RNGTT: variants seen among roughly 807,000 people sequenced by gnomAD.
RNGTT encodes RNA guanylyltransferase and 5'-phosphatase.
A neutral mutation model predicts 79.3 loss-of-function variants in RNGTT; 33 were observed. That is an observed-to-expected ratio of 0.42 (90% CI 0.32 to 0.56). The LOEUF (loss-of-function observed/expected upper bound fraction) is 0.56, where lower values mean the gene tolerates loss of function less well. Ranked by LOEUF, RNGTT falls within the 20% of genes least tolerant of loss-of-function variation. RNGTT has a pLI of 0.17. For synonymous variants in RNGTT, 222 were observed against 235.9 expected, an observed-to-expected ratio of 0.94 and a Z score of 0.54; for missense variants, 497 against 739.1, an observed-to-expected ratio of 0.67 and a Z score of 3.80.
chr6:88,846,527 T>G (rs1319949084), intron 10 of RNGTT, among the ~76,000 whole-genome samples: 1 of 152,072 alleles, frequency 6.6e-6, no homozygotes. Context: ...GCGGGCAGAT[T>G]GCTTGAGGCC....
chr6:88,782,858 T>C (rs1459818923), intron 12 of RNGTT, among the ~76,000 whole-genome samples: 1 of 152,126 alleles, frequency 6.6e-6, no homozygotes, highest in Non-Finnish European at 1.5e-5. Flanking sequence ...ACTTCACATT[T>C]ACGAGGATGC....
At chr6:88,762,177 C>T (rs895642731) in intron 13 of RNGTT, among the ~76,000 whole-genome samples, 1 of 152,082 alleles carries the variant, frequency 6.6e-6, no homozygotes, top group Non-Finnish European at 1.5e-5. Context: ...GGTATGTCCA[C>T]AAATACAACC....
At chr6:88,909,607 A>C (rs566850212) in intron 4 of RNGTT, among the ~76,000 whole-genome samples, 1 of 152,312 alleles carries the variant, frequency 6.6e-6, no homozygotes, top group Admixed American at 6.5e-5. Flanking sequence ...AACGTGAGAC[A>C]GTGCCAGTAG....
At chr6:88,934,613 C>G (rs1784611134) in intron 2 of RNGTT, among the ~76,000 whole-genome samples, 1 of 152,000 alleles carries the variant, frequency 6.6e-6, no homozygotes, top group South Asian at 2.1e-4. Flanking sequence ...TGTTATTTCA[C>G]TCTGTTGTTT....
rs1169971855 is a variant in RNGTT at position 88,888,093 on chromosome 6, G to C, written c.896+2402C>G. On this transcript the variant is annotated intron_variant, in intron 8 of 15. Coordinates refer to ENST00000369485, the MANE Select transcript of RNGTT (RefSeq NM_003800.5). ...CACTGTGCCACTGCACTCTAGCCTA[G>C]GCAACAGAGTGAGGACCCTGTCTCA... 3.3e-5 allele frequency among the ~76,000 whole-genome samples: 5 copies of C among 151,968 alleles called. No individual in the cohort carries two copies. In the East Asian group the frequency reaches 9.7e-4, roughly 29 times the overall value.
chr6:88,824,786 C>CT (rs1780604904), intron 11 of RNGTT, among the ~76,000 whole-genome samples: 1 of 145,644 alleles, frequency 6.9e-6, no homozygotes, highest in Non-Finnish European at 1.5e-5. Context: ...ACGTCTTACT[C>CT]TGTCATTCAG....
At chr6:88,661,966 T>C (rs1774203752) in intron 14 of RNGTT, among the ~76,000 whole-genome samples, 1 of 152,190 alleles carries the variant, frequency 6.6e-6, no homozygotes, top group Middle Eastern at 3.2e-3. Context: ...AGGTAATACA[T>C]CACTTTCAAG....
At chr6:88,795,291 C>T (rs528114009) in intron 12 of RNGTT, among the ~76,000 whole-genome samples, 13 of 152,142 alleles carry the variant, frequency 8.5e-5, no homozygotes, top group Non-Finnish European at 1.6e-4. Context: ...ACACTATCAA[C>T]ATAGAGGGCT....
intron 12 of RNGTT, among the ~76,000 whole-genome samples, chr6:88,789,079 T>C (rs1380705556): frequency 6.6e-6 from 1 of 152,210 alleles, no homozygotes; most frequent in African/African-American, 2.4e-5. Context: ...CATCTTAATA[T>C]AGTATTTTTT....
chr6:88,852,140 G>T (rs1177960009), intron 9 of RNGTT, among the ~76,000 whole-genome samples: 2 of 151,714 alleles, frequency 1.3e-5, no homozygotes, highest in Admixed American at 6.6e-5. Context: ...ACCTCTCTTT[G>T]GGTTATTGTT....
At chr6:88,790,516 C>T (rs927492915) in intron 12 of RNGTT, among the ~76,000 whole-genome samples, 2 of 152,120 alleles carry the variant, frequency 1.3e-5, no homozygotes, top group Non-Finnish European at 2.9e-5. Flanking sequence ...CTTCTCTACT[C>T]CAAGAATAGT....
intron 13 of RNGTT, among the ~76,000 whole-genome samples, chr6:88,721,129 A>T (rs1160361311): frequency 2.6e-5 from 4 of 152,046 alleles, no homozygotes; most frequent in African/African-American, 9.7e-5. Context: ...CTAGAAAGGT[A>T]CCTAATTTTT....
intron 13 of RNGTT, among the ~76,000 whole-genome samples, chr6:88,712,410 A>G (rs575689588): frequency 6.6e-6 from 1 of 152,252 alleles, no homozygotes; most frequent in African/African-American, 2.4e-5. Context: ...GACTCCAGCG[A>G]TCCTCCCACC....
chr6:88,913,407 A>C (rs187830418), intron 4 of RNGTT, among the ~76,000 whole-genome samples: 2 of 152,214 alleles, frequency 1.3e-5, no homozygotes, highest in East Asian at 1.9e-4. Flanking sequence ...AACACAACAA[A>C]AAAAAATACT....
intron 14 of RNGTT, among the ~76,000 whole-genome samples, chr6:88,641,070 G>A (rs893153536): frequency 1.3e-5 from 2 of 152,282 alleles, no homozygotes; most frequent in Non-Finnish European, 2.9e-5. Flanking sequence ...GCCGGGTGCG[G>A]TGGCTCATGC....
At chr6:88,660,456 G>A (rs1239999873) in intron 14 of RNGTT, among the ~76,000 whole-genome samples, 2 of 151,248 alleles carry the variant, frequency 1.3e-5, no homozygotes, top group Admixed American at 1.3e-4. Context: ...CAGGTAAAGA[G>A]GTGAAAAAAG....
rs189417226 is a variant in RNGTT at position 88,675,508 on chromosome 6, A to G, written c.1506+2845T>C. Reference sequence around the variant, plus strand: ...GGAGTTCAAGACCAACCTGGCCAACAGAGCAAGACCCTGTCTGTATAAAAA... The same window carrying G: ...GGAGTTCAAGACCAACCTGGCCAACGGAGCAAGACCCTGTCTGTATAAAAA... On this transcript the variant is annotated intron_variant, in intron 14 of 15. Transcript: ENST00000369485. Among the ~76,000 whole-genome samples the G allele has an allele frequency of 8.5e-5, 13 of 152,354 alleles. No individual in the cohort carries two copies. In the East Asian group the frequency reaches 2.5e-3, roughly 29 times the overall value.
At chr6:88,934,119 A>G (rs748838388) in intron 2 of RNGTT, among the ~76,000 whole-genome samples, 2 of 151,948 alleles carry the variant, frequency 1.3e-5, no homozygotes, top group Admixed American at 6.6e-5. Flanking sequence ...TGTAACTTCA[A>G]TCTTCTGGGG....
chr6:88,705,470 A>T (rs1354702501), intron 13 of RNGTT, among the ~76,000 whole-genome samples: 3 of 152,140 alleles, frequency 2.0e-5, no homozygotes, highest in Non-Finnish European at 4.4e-5. Context: ...TTCTGACATG[A>T]TCTGAACAAG....
Sources: gnomAD v4.1 joint callset for allele counts (sites outside exome capture counted in the v4.1 genomes callset) on GRCh38, gnomAD v4.1.1 for gene constraint, MANE v1.5 for transcripts, NCBI Gene and HGNC (gene_info 2026-07-23, HGNC 2026-07-21) for gene names.